MPDZ: variants seen among roughly 807,000 people sequenced by gnomAD.
MPDZ encodes the protein multiple PDZ domain protein.
In MPDZ, 234 loss-of-function variants were observed where a neutral mutation model predicts 239.1. The observed-to-expected ratio is 0.98, with a 90% CI of 0.88 to 1.09. The LOEUF is 1.09. Among genes scored for constraint, MPDZ ranks in the 50% least tolerant of loss-of-function variants. The pLI is 0.00. For missense variants in MPDZ, 3,175 were observed against 2,510.0 expected (o/e 1.26, Z -5.66); for synonymous variants, 1,048 against 881.3 (o/e 1.19, Z -3.35).
rs957197401 is a variant in MPDZ at position 13,178,271 on chromosome 9, A to AAC, written c.2650-1855_2650-1854insGT. ...GAGACTGCATCTCAAAAAAAAAAAA[A>AAC]AAAAAATTTGGTACATACTGCTAAC... On this transcript the variant is annotated intron_variant, in intron 19 of 46. Coordinates refer to ENST00000319217, the MANE Select transcript of MPDZ (RefSeq NM_001378778.1). Among the ~76,000 whole-genome samples, 41 of 151,898 alleles carry AAC rather than the reference A, an allele frequency of 2.7e-4. 1 individual carries two copies. Among genetic ancestry groups the AAC allele is most frequent in the East Asian group, 2.1e-3 (11 of 5,138 alleles).
In MPDZ at chr9:13,113,032, T is replaced by G. The variant is rs1484137256; in HGVS notation, c.5580A>C (p.Leu1860Phe). 3.2e-6 allele frequency: 5 copies of G among 1,585,934 alleles called. No individual in the cohort carries two copies. The East Asian group carries it at 6.8e-5, about 21-fold the overall frequency. ...TTACCTTTTTCATTTCGACTGTTCTTAATCCCTGTATTTCAGATGCCACTG... is the reference window on the plus strand; with the variant it reads ...TTACCTTTTTCATTTCGACTGTTCTGAATCCCTGTATTTCAGATGCCACTG... ...KNALASEIQG[L>F]RTVEMKKGPT... The change falls in exon 42 of 47, where the codon TTA becomes TTC. Residue 1860 changes from leucine to phenylalanine, a missense_variant. Leu to Phe is a conservative substitution (Grantham distance 22, BLOSUM62 0). Transcript: ENST00000319217.
At chr9:13,204,086 G>GA (rs1256631545) in intron 12 of MPDZ, among the ~76,000 whole-genome samples, 1 of 152,026 alleles carries the variant, frequency 6.6e-6, no homozygotes, top group Non-Finnish European at 1.5e-5. Context: ...ATTTTCAGCA[G>GA]AAAATCCAAT....
rs1309678887 is a variant in MPDZ at position 13,121,706 on chromosome 9, A to C, written c.5231+33T>G. 8 of 1,607,456 alleles carry C rather than the reference A, an allele frequency of 5.0e-6. No individual in the cohort carries two copies. In the Admixed American group the frequency reaches 1.3e-4, roughly 27 times the overall value. ...AATGATTTAAGTCCCATCATTTCCAAGGGAGCATTGGGTTTGTCCTCCTCA... is the reference window on the plus strand; with the variant it reads ...AATGATTTAAGTCCCATCATTTCCACGGGAGCATTGGGTTTGTCCTCCTCA... On this transcript the variant is annotated intron_variant, in intron 38 of 46. Transcript: ENST00000319217.
intron 3 of MPDZ, among the ~76,000 whole-genome samples, chr9:13,241,295 G>T (rs757767114): frequency 1.3e-5 from 2 of 152,148 alleles, no homozygotes; most frequent in Non-Finnish European, 2.9e-5. Flanking sequence ...TGGCTACAAA[G>T]CTCTATCATA....
rs184658276 is a variant in MPDZ, at chr9:13,189,094, G to A, written c.2155-101C>T. ...TAACGAATGAGTAATTGTCTCAAGTGCCTTTAAAAATTTTCATGCCAAAAA... is the reference window on the plus strand; with the variant it reads ...TAACGAATGAGTAATTGTCTCAAGTACCTTTAAAAATTTTCATGCCAAAAA... On this transcript the variant is annotated intron_variant, in intron 16 of 46. Transcript: ENST00000319217. The A allele has an allele frequency of 5.8e-4, 589 of 1,011,256 alleles. 1 individual carries two copies. The highest frequency in any genetic ancestry group is 4.9e-4 in the Non-Finnish European group (353 of 713,804). The allele number at this position is 1,011,256 out of a possible 1,614,324, so 62.6% of individuals were successfully genotyped here.
rs897294582 is a variant in MPDZ, at chr9:13,106,033, A to C, written c.*932T>G. ...CTAATGGCATACAACCAAAATAATTAGTAACACATTGTTCTCTGTCATTAA... is the reference window on the plus strand; with the variant it reads ...CTAATGGCATACAACCAAAATAATTCGTAACACATTGTTCTCTGTCATTAA... On this transcript the variant is annotated 3_prime_UTR_variant, in exon 47 of 47. Transcript: ENST00000319217. 2.0e-5 allele frequency: 3 copies of C among 152,218 alleles called. No homozygotes were observed. The highest frequency in any genetic ancestry group is 4.8e-5 in the African/African-American group (2 of 41,470). The allele number at this position is 152,218 out of a possible 1,614,324, so 9.4% of individuals were successfully genotyped here. A position where few individuals can be genotyped will look rare whatever the true frequency, so the allele number is the denominator to read the frequency against.
At position 13,206,161 on chromosome 9, in the gene MPDZ, A is replaced by G. The variant is rs1246765727; in HGVS notation, c.1291-62T>C. 5.6e-6 allele frequency: 8 copies of G among 1,430,158 alleles called. No individual in the cohort carries two copies. The East Asian group carries it at 7.3e-5, about 13-fold the overall frequency. 88.6% of individuals were successfully genotyped at this position (1,430,158 alleles called of 1,614,324 possible). A position where few individuals can be genotyped will look rare whatever the true frequency, so the allele number is the denominator to read the frequency against. On this transcript the variant is annotated intron_variant, in intron 10 of 46. Transcript: ENST00000319217. The stretch of plus-strand genomic sequence containing the variant: ...AAATAAATGGATATTTGTATTACCA[A>G]TTCACAAAATGTGTATGTATAGTTG...
chr9:13,180,435 AGAGTAT>A (rs1411600851), intron 19 of MPDZ, among the ~76,000 whole-genome samples: 1 of 152,164 alleles, frequency 6.6e-6, no homozygotes, highest in Non-Finnish European at 1.5e-5. Flanking sequence ...GGACAGAGTA[AGAGTAT>A]GAGTGTACAC....
chr9:13,260,174 T>C (rs1236451176), intron 1 of MPDZ, among the ~76,000 whole-genome samples: 4 of 151,972 alleles, frequency 2.6e-5, no homozygotes, highest in Non-Finnish European at 5.9e-5. Context: ...GAAGTTTATT[T>C]TGGCAAAGTG....
intron 44 of MPDZ, 38 bp from the exon 45 acceptor site, chr9:13,110,102 T>G (rs1230949898): frequency 2.0e-6 from 3 of 1,472,890 alleles, no homozygotes; most frequent in Non-Finnish European, 2.8e-6. Flanking sequence ...AAAACACATG[T>G]TCCTGTGGCT....
intron 3 of MPDZ, among the ~76,000 whole-genome samples, chr9:13,238,682 AC>A (rs1161282700): frequency 6.6e-6 from 1 of 152,148 alleles, no homozygotes; most frequent in African/African-American, 2.4e-5. Flanking sequence ...ATTTTGATGC[AC>A]TATCAAAGAA....
chr9:13,257,189 T>C (rs1969643623), intron 1 of MPDZ, among the ~76,000 whole-genome samples: 1 of 152,200 alleles, frequency 6.6e-6, no homozygotes, highest in Admixed American at 6.6e-5. Flanking sequence ...GACATACCAA[T>C]AACAGCTCAA....
chr9:13,121,932 C>A lies in MPDZ; in HGVS notation c.5038G>T (p.Val1680Leu). ...RLWAGDQILE[V>L]NGIDLRKATH... Reference sequence around the variant, plus strand: ...GCCTTTCTCAAGTCAATTCCATTCACCTGTACAGAAATGGGACACTGACTG... The same window carrying A: ...GCCTTTCTCAAGTCAATTCCATTCAACTGTACAGAAATGGGACACTGACTG... Residue 1680 changes from valine to leucine, a missense_variant and splice_region_variant, in exon 38 of 47, where the codon GTG (valine) becomes TTG (leucine). By Grantham distance (32) the Val-to-Leu change is conservative. Transcript: ENST00000319217. The A allele has an allele frequency of 6.2e-7, 1 of 1,612,570 alleles. No homozygotes were observed. Among genetic ancestry groups the A allele is most frequent in the South Asian group, 1.1e-5 (1 of 90,894 alleles).
chr9:13,254,742 T>C (rs1005783248), intron 1 of MPDZ, among the ~76,000 whole-genome samples: 2 of 152,162 alleles, frequency 1.3e-5, no homozygotes, highest in Admixed American at 1.3e-4. Context: ...GCAGTAGCAT[T>C]ATGTCTAGGA....
chr9:13,239,462 C>A (rs937322918), intron 3 of MPDZ, among the ~76,000 whole-genome samples: 3 of 152,000 alleles, frequency 2.0e-5, no homozygotes, highest in African/African-American at 7.2e-5. Flanking sequence ...TAGAACAGTT[C>A]TGGGCACACA....
intron 23 of MPDZ, among the ~76,000 whole-genome samples, chr9:13,158,350 G>T (rs1422813566): frequency 1.3e-5 from 2 of 152,096 alleles, no homozygotes; most frequent in African/African-American, 4.8e-5. Context: ...CTCTTGTCTA[G>T]TCTGTTTTTT....
At chr9:13,143,809 C>G (rs1948071546) in intron 26 of MPDZ, among the ~76,000 whole-genome samples, 1 of 152,010 alleles carries the variant, frequency 6.6e-6, no homozygotes, top group Non-Finnish European at 1.5e-5. Flanking sequence ...CAAACTGATC[C>G]CAAATTTCTT....
intron 38 of MPDZ, 106 bp downstream of exon 38, chr9:13,121,633 G>A: frequency 4.2e-6 from 5 of 1,181,784 alleles, no homozygotes; most frequent in Middle Eastern, 2.0e-4. Flanking sequence ...GCTACCTACT[G>A]AACACTAGCC....
intron 25 of MPDZ, 43 bp from the exon 26 acceptor site, chr9:13,147,701 A>C (rs761269672): frequency 1.4e-6 from 2 of 1,467,214 alleles, no homozygotes; most frequent in Non-Finnish European, 1.9e-6. Flanking sequence ...GAATCTATAG[A>C]ACAACAAAAA....
Sources: gnomAD v4.1 joint callset for allele counts (sites outside exome capture counted in the v4.1 genomes callset) on GRCh38, gnomAD v4.1.1 for gene constraint, MANE v1.5 for transcripts, NCBI Gene and HGNC (gene_info 2026-07-23, HGNC 2026-07-21) for gene names.